Variants in BLNK observed in about 807,000 individuals in gnomAD.
BLNK encodes B-cell linker protein.
In BLNK, 29 loss-of-function variants were observed where a neutral mutation model predicts 73.5. That is an observed-to-expected ratio of 0.39 (90% CI 0.29 to 0.54). The LOEUF is 0.54. Ranked by LOEUF, BLNK falls within the 20% of genes least tolerant of loss-of-function variation. The pLI is 0.61. For missense variants in BLNK, 460 were observed against 562.8 expected, an observed-to-expected ratio of 0.82 and a Z score of 1.85; for synonymous variants, 176 against 200.8, an observed-to-expected ratio of 0.88 and a Z score of 1.04.
intron 6 of BLNK, among the ~76,000 whole-genome samples, chr10:96,218,863 G>A (rs1279009383): frequency 6.6e-6 from 1 of 152,014 alleles, no homozygotes; most frequent in Non-Finnish European, 1.5e-5. Context: ...GAAGCTGGCC[G>A]AGAGGCACCA....
chr10:96,219,635 G>A (rs587726361), intron 6 of BLNK, among the ~76,000 whole-genome samples: 1 of 152,300 alleles, frequency 6.6e-6, no homozygotes, highest in South Asian at 2.1e-4. Context: ...TACTTGTTTT[G>A]TTCTGCAGTG....
At chr10:96,224,977 C>T (rs1215688646) in intron 5 of BLNK, among the ~76,000 whole-genome samples, 1 of 152,180 alleles carries the variant, frequency 6.6e-6, no homozygotes, top group Non-Finnish European at 1.5e-5. Flanking sequence ...GGATTACAGG[C>T]ATGAGCCACC....
At position 96,200,326 on chromosome 10, in the gene BLNK, C is replaced by T. The variant is rs2083597081; in HGVS notation, c.1012-168G>A. Among the ~76,000 whole-genome samples, 1 of 152,030 alleles carries T rather than the reference C, an allele frequency of 6.6e-6. No individual in the cohort carries two copies. The highest frequency in any genetic ancestry group is 2.4e-5 in the African/African-American group (1 of 41,402). ...CTTTGATCAAACACAAGGATTATACCGTTAACTTGTTTTTTGTATTTTTTT... is the reference window on the plus strand; with the variant it reads ...CTTTGATCAAACACAAGGATTATACTGTTAACTTGTTTTTTGTATTTTTTT... On this transcript the variant is annotated intron_variant, in intron 14 of 16. Transcript: ENST00000224337. This position sits in a 1 kb window ranked among gnomAD's most constrained non-coding sequence, Gnocchi z 4.3.
chr10:96,211,389 T>A (rs1019794817), intron 8 of BLNK, among the ~76,000 whole-genome samples: 5 of 152,142 alleles, frequency 3.3e-5, no homozygotes, highest in Admixed American at 3.3e-4. Flanking sequence ...CTCTGCCCTC[T>A]CAGAATTTAT....
intron 15 of BLNK, among the ~76,000 whole-genome samples, chr10:96,199,706 C>A (rs2083576948): frequency 6.6e-6 from 1 of 152,118 alleles, no homozygotes; most frequent in African/African-American, 2.4e-5. Flanking sequence ...AGGCTGAGGG[C>A]AAAACGTGTG....
chr10:96,260,754 T>C (rs1843719694), intron 1 of BLNK, among the ~76,000 whole-genome samples: 1 of 152,186 alleles, frequency 6.6e-6, no homozygotes, highest in Non-Finnish European at 1.5e-5. Context: ...GTCTTGTATG[T>C]AGGGGTAGGG....
chr10:96,270,316 C>G (rs1844215866), intron 1 of BLNK, among the ~76,000 whole-genome samples: 1 of 152,210 alleles, frequency 6.6e-6, no homozygotes, highest in African/African-American at 2.4e-5. Flanking sequence ...GTCTCAAAAG[C>G]TTCAATTCTC....
chr10:96,190,242 T>C lies in BLNK; in HGVS notation c.*1731A>G, dbSNP rs782298403. The C allele has an allele frequency of 1.3e-6, 1 of 742,486 alleles. No homozygotes were observed. The highest frequency in any genetic ancestry group is 2.5e-6 in the Non-Finnish European group (1 of 405,384). 46.0% of individuals were successfully genotyped at this position (742,486 alleles called of 1,614,324 possible). Reference sequence around the variant, plus strand: ...CATCAGGTGGCGGCACACACTTAGGTGGGAGAGAAAGCAGACGGAGATAAA... The same window carrying C: ...CATCAGGTGGCGGCACACACTTAGGCGGGAGAGAAAGCAGACGGAGATAAA... On this transcript the variant is annotated 3_prime_UTR_variant, in exon 17 of 17. Transcript: ENST00000224337.
chr10:96,209,798 C>G, intron 9 of BLNK, 40 bp downstream of exon 9: 2 of 1,611,870 alleles, frequency 1.2e-6, no homozygotes, highest in African/African-American at 2.7e-5. Flanking sequence ...CATCCTCACT[C>G]CCCAGATCTC....
intron 1 of BLNK, among the ~76,000 whole-genome samples, chr10:96,262,191 T>C (rs527308803): frequency 3.3e-5 from 5 of 152,264 alleles, no homozygotes; most frequent in African/African-American, 1.2e-4. Flanking sequence ...GATAAATGAG[T>C]CCTGCGTGGG....
intron 8 of BLNK, among the ~76,000 whole-genome samples, chr10:96,210,918 G>A (rs1043064639): frequency 1.4e-5 from 2 of 147,616 alleles, no homozygotes; most frequent in African/African-American, 5.1e-5. Context: ...ACCCAGGCTG[G>A]AGTGCAGTGG....
intron 8 of BLNK, among the ~76,000 whole-genome samples, chr10:96,211,569 C>T (rs1460318943): frequency 2.0e-5 from 3 of 152,204 alleles, no homozygotes; most frequent in African/African-American, 7.2e-5. Context: ...TTTCCTAAAC[C>T]CTCAAGGATG....
Position 96,189,619 on chromosome 10 carries a change from G to A in BLNK, c.*2354C>T. 2.8e-6 allele frequency: 2 copies of A among 702,748 alleles called. No homozygotes were observed. The highest frequency in any genetic ancestry group is 1.4e-5 in the South Asian group (1 of 73,628). The allele number at this position is 702,748 out of a possible 1,614,324, so 43.5% of individuals were successfully genotyped here. A position where few individuals can be genotyped will look rare whatever the true frequency, so the allele number is the denominator to read the frequency against. ...GATGGGTTTGAGTGTTTTCTATTCT[G>A]ATTTGACTTTTGTGCATTTTTGGCT... On this transcript the variant is annotated 3_prime_UTR_variant, in exon 17 of 17. Coordinates refer to ENST00000224337, the MANE Select transcript of BLNK (RefSeq NM_013314.4).
chr10:96,205,496 C>T (rs1354324929), intron 11 of BLNK, among the ~76,000 whole-genome samples: 2 of 152,178 alleles, frequency 1.3e-5, no homozygotes, highest in Non-Finnish European at 2.9e-5. Context: ...AGCTTGGAAA[C>T]CTTGAACCTC....
intron 1 of BLNK, 67 bp downstream of exon 1, chr10:96,271,285 G>C: frequency 6.5e-7 from 1 of 1,533,092 alleles, no homozygotes; most frequent in Non-Finnish European, 9.0e-7. Context: ...GTATTTCTGA[G>C]ATGCCATAAG....
chr10:96,256,217 T>A lies in BLNK; in HGVS notation c.48-9168A>T, dbSNP rs532033946. Reference sequence around the variant, plus strand: ...GGTATCCTTAGAACATCTGTGCTGGTGCAATTGACCTGGTATCTCCAATTT... The same window carrying A: ...GGTATCCTTAGAACATCTGTGCTGGAGCAATTGACCTGGTATCTCCAATTT... On this transcript the variant is annotated intron_variant, in intron 1 of 16. Coordinates refer to ENST00000224337, the MANE Select transcript of BLNK (RefSeq NM_013314.4). Among the ~76,000 whole-genome samples, 14 of 152,178 alleles carry A rather than the reference T, an allele frequency of 9.2e-5. 1 individual carries two copies. Among genetic ancestry groups the A allele is most frequent in the African/African-American group, 3.4e-4 (14 of 41,434 alleles).
At chr10:96,207,780 C>T (rs1666757436) in intron 10 of BLNK, 92 bp downstream of exon 10, 1 of 1,471,924 alleles carries the variant, frequency 6.8e-7, no homozygotes, top group African/African-American at 1.4e-5. Flanking sequence ...GCTGTGTTCA[C>T]CATAGCTGGA....
At chr10:96,242,983 C>T (rs1276092409) in intron 2 of BLNK, among the ~76,000 whole-genome samples, 199 bp from the exon 3 acceptor site, 3 of 152,200 alleles carry the variant, frequency 2.0e-5, no homozygotes, top group Non-Finnish European at 2.9e-5. Flanking sequence ...TCCCCATCTC[C>T]CCAGTGCATG....
intron 10 of BLNK, 25 bp downstream of exon 10, chr10:96,207,847 A>C: frequency 6.2e-7 from 1 of 1,613,340 alleles, no homozygotes; most frequent in Non-Finnish European, 8.5e-7. Context: ...AATATGAAGC[A>C]CTTTTAAATG....
Sources: allele counts gnomAD v4.1 joint callset (sites outside exome capture counted in the v4.1 genomes callset), GRCh38; gene constraint gnomAD v4.1.1; non-coding constraint Gnocchi (gnomAD v3.1); transcripts MANE v1.5; gene names NCBI Gene and HGNC (gene_info 2026-07-23, HGNC 2026-07-21).